Variants in PLPPR1 observed in about 807,000 individuals in gnomAD.
The protein encoded by PLPPR1 is phospholipid phosphatase-related protein type 1.
In PLPPR1, 10 loss-of-function variants were observed where a neutral mutation model predicts 33.1. That is an observed-to-expected ratio of 0.30 (90% CI 0.19 to 0.51). PLPPR1 has a LOEUF of 0.51. Ranked by LOEUF, PLPPR1 falls within the 20% of genes least tolerant of loss-of-function variation. PLPPR1 has a pLI of 0.97. For missense variants in PLPPR1, 304 were observed against 408.1 expected, an observed-to-expected ratio of 0.74 and a Z score of 2.20; for synonymous variants, 151 against 151.0, an observed-to-expected ratio of 1.00 and a Z score of 0.00.
intron 1 of PLPPR1, among the ~76,000 whole-genome samples, chr9:101,051,659 A>T (rs1172347179): frequency 6.6e-6 from 1 of 152,096 alleles, no homozygotes; most frequent in Non-Finnish European, 1.5e-5. Flanking sequence ...TTACATTTCT[A>T]CTTCTGCTAG....
chr9:101,028,755 A>T lies in PLPPR1; in HGVS notation c.-393A>T, dbSNP rs1334207201. On this transcript the variant is annotated 5_prime_UTR_variant, in exon 1 of 8. Coordinates refer to ENST00000374874, the MANE Select transcript of PLPPR1 (RefSeq NM_207299.2). ...CTTTTGCTCTTTCCTTTCATTAAAC[A>T]AACAGGAGATCCTGAAACCTGGACC... 6.6e-6 allele frequency: 1 copy of T among 152,360 alleles called. No individual in the cohort carries two copies. The highest frequency in any genetic ancestry group is 1.5e-5 in the Non-Finnish European group (1 of 68,250). 9.4% of individuals were successfully genotyped at this position (152,360 alleles called of 1,614,324 possible). A position where few individuals can be genotyped will look rare whatever the true frequency, so the allele number is the denominator to read the frequency against.
chr9:101,053,507 T>C (rs1332512693), intron 1 of PLPPR1, among the ~76,000 whole-genome samples: 2 of 152,200 alleles, frequency 1.3e-5, no homozygotes, highest in African/African-American at 4.8e-5. Context: ...GAATTTTATG[T>C]CCTCTGTGGA....
intron 1 of PLPPR1, among the ~76,000 whole-genome samples, chr9:101,038,551 A>G (rs1055550033): frequency 2.0e-5 from 3 of 152,266 alleles, no homozygotes; most frequent in Middle Eastern, 3.4e-3. Context: ...ATTAGGGTCC[A>G]TCAAGGTTAA....
chr9:101,180,143 T>TATATACACAC (rs1564167627), intron 1 of PLPPR1, among the ~76,000 whole-genome samples: 4 of 39,208 alleles, frequency 1.0e-4, no homozygotes, highest in Non-Finnish European at 2.0e-4. Flanking sequence ...TATATATATA[T>TATATACACAC]ACACACACAC....
chr9:101,186,699 G>A (rs1008395686), intron 2 of PLPPR1, among the ~76,000 whole-genome samples: 9 of 151,822 alleles, frequency 5.9e-5, no homozygotes, highest in African/African-American at 2.2e-4. Flanking sequence ...TTTTTGATCA[G>A]ATATATGGGT....
chr9:101,093,393 T>A (rs1830773722), intron 1 of PLPPR1, among the ~76,000 whole-genome samples: 1 of 152,164 alleles, frequency 6.6e-6, no homozygotes, highest in African/African-American at 2.4e-5. Flanking sequence ...TTCAGAAAAA[T>A]TCATTCATTA....
intron 2 of PLPPR1, among the ~76,000 whole-genome samples, chr9:101,263,075 G>A (rs1827929442): frequency 1.3e-5 from 2 of 152,068 alleles, no homozygotes; most frequent in South Asian, 2.1e-4. Context: ...GATGGGTTCA[G>A]CAAACCACCA....
chr9:101,071,533 G>A (rs993669207), intron 1 of PLPPR1, among the ~76,000 whole-genome samples: 1 of 151,918 alleles, frequency 6.6e-6, no homozygotes, highest in African/African-American at 2.4e-5. Flanking sequence ...ACAGGTGTGT[G>A]GATTCATCCT....
chr9:101,194,768 A>G (rs1293554028), intron 2 of PLPPR1, among the ~76,000 whole-genome samples: 1 of 151,908 alleles, frequency 6.6e-6, no homozygotes, highest in Non-Finnish European at 1.5e-5. Context: ...AAAAAAAAAA[A>G]AGTTAAAACG....
intron 4 of PLPPR1, among the ~76,000 whole-genome samples, chr9:101,298,185 C>T (rs904401408): frequency 2.6e-5 from 4 of 152,130 alleles, no homozygotes; most frequent in Non-Finnish European, 5.9e-5. Context: ...AGACTATTAG[C>T]ACTAAAATAG....
intron 1 of PLPPR1, among the ~76,000 whole-genome samples, chr9:101,046,889 G>A (rs1830157581): frequency 6.6e-6 from 1 of 152,032 alleles, no homozygotes. Flanking sequence ...TCTTGGTTAA[G>A]TATCACTGTT....
chr9:101,107,889 T>G (rs1362979682), intron 1 of PLPPR1, among the ~76,000 whole-genome samples: 1 of 151,274 alleles, frequency 6.6e-6, no homozygotes, highest in Non-Finnish European at 1.5e-5. Context: ...AGCACAATAT[T>G]CGGGTGGGAG....
At chr9:101,210,907 A>G (rs923628594) in intron 2 of PLPPR1, among the ~76,000 whole-genome samples, 8 of 152,266 alleles carry the variant, frequency 5.3e-5, no homozygotes, top group African/African-American at 1.9e-4. Context: ...AGCTGGGACT[A>G]CAGGCGCCTG....
intron 1 of PLPPR1, among the ~76,000 whole-genome samples, chr9:101,155,394 T>G (rs1471687188): frequency 6.6e-6 from 1 of 152,204 alleles, no homozygotes; most frequent in African/African-American, 2.4e-5. Context: ...AGAGCCTTCT[T>G]GCTGTGTCAT....
chr9:101,171,244 G>C (rs958457826), intron 1 of PLPPR1, among the ~76,000 whole-genome samples: 1 of 152,104 alleles, frequency 6.6e-6, no homozygotes, highest in South Asian at 2.1e-4. Context: ...TTAAGCCATA[G>C]GAACAAAGCT....
At chr9:101,045,136 G>A (rs1265401261) in intron 1 of PLPPR1, among the ~76,000 whole-genome samples, 2 of 152,126 alleles carry the variant, frequency 1.3e-5, no homozygotes, top group African/African-American at 4.8e-5. Flanking sequence ...ATAGCTGTGT[G>A]GTTTGAAAGC....
chr9:101,181,098 T>C (rs927778801), intron 1 of PLPPR1, among the ~76,000 whole-genome samples: 1 of 148,490 alleles, frequency 6.7e-6, no homozygotes, highest in Non-Finnish European at 1.5e-5. Flanking sequence ...AAAGAGGACA[T>C]ACAAATGGCC....
At chr9:101,290,670 T>G (rs1432635977) in intron 4 of PLPPR1, among the ~76,000 whole-genome samples, 12 of 152,206 alleles carry the variant, frequency 7.9e-5, no homozygotes, top group Admixed American at 7.8e-4. Flanking sequence ...GTTAGATATC[T>G]CTAATTTTTT....
intron 4 of PLPPR1, among the ~76,000 whole-genome samples, chr9:101,291,295 C>T (rs1588113314): frequency 6.6e-6 from 1 of 152,258 alleles, no homozygotes; most frequent in East Asian, 1.9e-4. Context: ...GAAGCTCGAA[C>T]TGGGTGGAGC....
Sources: allele counts gnomAD v4.1 joint callset (sites outside exome capture counted in the v4.1 genomes callset), GRCh38; gene constraint gnomAD v4.1.1; transcripts MANE v1.5; gene names NCBI Gene and HGNC (gene_info 2026-07-23, HGNC 2026-07-21).